Variants in NUDT3 observed in about 807,000 individuals in gnomAD.
NUDT3 encodes the protein diphosphoinositol polyphosphate phosphohydrolase 1.
In NUDT3, 9 loss-of-function variants were observed where a neutral mutation model predicts 23.6. The ratio of observed to expected loss-of-function variants is 0.38; its 90% CI spans 0.23 to 0.66. The LOEUF (loss-of-function observed/expected upper bound fraction) is 0.66. NUDT3 is among the 30% of genes least tolerant of loss of function. The pLI is 0.52. For missense variants in NUDT3, 172 were observed against 218.5 expected, an observed-to-expected ratio of 0.79 and a Z score of 1.34; for synonymous variants, 86 against 82.6, an observed-to-expected ratio of 1.04 and a Z score of -0.22.
intron 2 of NUDT3, among the ~76,000 whole-genome samples, chr6:34,314,193 C>T (rs55858625): frequency 0.016 from 2,423 of 152,004 alleles, 65 homozygotes; most frequent in African/African-American, 0.056. Flanking sequence ...GAGGCCAAGG[C>T]GGGTGGATCA....
chr6:34,388,554 G>A (rs1765146767), intron 1 of NUDT3, among the ~76,000 whole-genome samples: 1 of 151,960 alleles, frequency 6.6e-6, no homozygotes, highest in Non-Finnish European at 1.5e-5. Context: ...AAGTTCTCCT[G>A]GAACTAACAA....
intron 1 of NUDT3, among the ~76,000 whole-genome samples, chr6:34,367,628 A>G (rs1285441683): frequency 2.0e-5 from 3 of 152,346 alleles, no homozygotes; most frequent in East Asian, 1.9e-4. Context: ...TTTTAGTACC[A>G]AAAACACTAG....
chr6:34,345,459 C>G (rs1457131716), intron 1 of NUDT3, among the ~76,000 whole-genome samples: 1 of 151,050 alleles, frequency 6.6e-6, no homozygotes, highest in East Asian at 2.1e-4. Flanking sequence ...GTCAGGAGAT[C>G]GAGACCATCC....
Position 34,288,974 on chromosome 6 carries a change from G to A in NUDT3, c.341-43C>T, listed in dbSNP as rs1561896066. The A allele has an allele frequency of 2.0e-6, 3 of 1,531,942 alleles. No homozygotes were observed. In the South Asian group the frequency reaches 3.8e-5, roughly 19 times the overall value. 94.9% of individuals were successfully genotyped at this position (1,531,942 alleles called of 1,614,324 possible). On this transcript the variant is annotated intron_variant, in intron 4 of 4. Transcript: ENST00000607016. The stretch of plus-strand genomic sequence containing the variant: ...AAAGAAACTAGTACAAGAGTAATAA[G>A]GTTTCTGAGCCTAGAACTTTTGAGA...
At chr6:34,339,593 C>T (rs1382381294) in intron 2 of NUDT3, among the ~76,000 whole-genome samples, 1 of 152,186 alleles carries the variant, frequency 6.6e-6, no homozygotes, top group African/African-American at 2.4e-5. Context: ...GTAGCAAGAG[C>T]TTAAACCAGG....
chr6:34,329,241 G>C, intron 2 of NUDT3, among the ~76,000 whole-genome samples: 1 of 152,142 alleles, frequency 6.6e-6, no homozygotes, highest in Non-Finnish European at 1.5e-5. Flanking sequence ...TATATACATA[G>C]ATATACACAC....
At chr6:34,380,361 T>A (rs1184566820) in intron 1 of NUDT3, among the ~76,000 whole-genome samples, 2 of 152,100 alleles carry the variant, frequency 1.3e-5, no homozygotes, top group Non-Finnish European at 2.9e-5. Flanking sequence ...CCTATTTATT[T>A]TTTTTTTAAG....
chr6:34,293,656 C>A lies in NUDT3; in HGVS notation c.256-121G>T, dbSNP rs576387948. The A allele has an allele frequency of 2.2e-5, 25 of 1,148,424 alleles. No homozygotes were observed. The African/African-American group carries it at 2.6e-4, about 12-fold the overall frequency. The allele number at this position is 1,148,424 out of a possible 1,614,324, so 71.1% of individuals were successfully genotyped here. A position where few individuals can be genotyped will look rare whatever the true frequency, so the allele number is the denominator to read the frequency against. On this transcript the variant is annotated intron_variant, in intron 3 of 4. Coordinates refer to ENST00000607016, the MANE Select transcript of NUDT3 (RefSeq NM_006703.4). ...CAGACACAAAGATTCTAAACTTTTA[C>A]TTTTTATGGTCCTACAGTTATAGCT... is the stretch of plus-strand genomic sequence containing the variant.
chr6:34,329,027 A>G (rs1422366754), intron 2 of NUDT3, among the ~76,000 whole-genome samples: 4 of 152,144 alleles, frequency 2.6e-5, no homozygotes, highest in African/African-American at 9.7e-5. Flanking sequence ...AGAGCCAAAC[A>G]TTAATGAACT....
At position 34,315,687 on chromosome 6, in the gene NUDT3, G is replaced by C. The variant is rs185334732; in HGVS notation, c.211-20002C>G. ...GTTATAGGTTTCTGTGTGACCAAAA[G>C]TATAGATTTAAACTAGATAACCTCT... On this transcript the variant is annotated intron_variant, in intron 2 of 4. Coordinates refer to ENST00000607016, the MANE Select transcript of NUDT3 (RefSeq NM_006703.4). Among the ~76,000 whole-genome samples the C allele has an allele frequency of 8.7e-4, 133 of 152,236 alleles. No individual in the cohort carries two copies. The East Asian group carries it at 0.011, about 12-fold the overall frequency.
intron 2 of NUDT3, among the ~76,000 whole-genome samples, chr6:34,307,269 A>G (rs1410508356): frequency 6.6e-6 from 1 of 152,076 alleles, no homozygotes; most frequent in Non-Finnish European, 1.5e-5. Context: ...ATAAAAAATA[A>G]TAATTCTAAA....
rs1355003412 is a variant in NUDT3 at position 34,316,372 on chromosome 6, T to C, written c.211-20687A>G. ...ATGGAGCCAAATGAAATGAACACTT[T>C]AGTGGCATTAGAGAGTCTCCTAGAA... On this transcript the variant is annotated intron_variant, in intron 2 of 4. Transcript: ENST00000607016. Among the ~76,000 whole-genome samples, 6 of 152,172 alleles carry C rather than the reference T, an allele frequency of 3.9e-5. No homozygotes were observed. The South Asian group carries it at 8.3e-4, about 21-fold the overall frequency.
At chr6:34,343,764 C>A (rs1364628006) in intron 1 of NUDT3, among the ~76,000 whole-genome samples, 2 of 152,094 alleles carry the variant, frequency 1.3e-5, no homozygotes, top group Non-Finnish European at 2.9e-5. Context: ...AAATTAAAAA[C>A]TTCTGTGTAA....
intron 4 of NUDT3, among the ~76,000 whole-genome samples, chr6:34,293,052 CTTG>C (rs531867123): frequency 3.5e-4 from 53 of 152,088 alleles, no homozygotes; most frequent in Non-Finnish European, 7.4e-4. Context: ...TTATCCAGCT[CTTG>C]TTGTTCTGTT....
In NUDT3 at chr6:34,356,168, A is replaced by C. The variant is rs531474050; in HGVS notation, c.100-14196T>G. Among the ~76,000 whole-genome samples the C allele has an allele frequency of 3.1e-3, 475 of 152,306 alleles. 3 individuals carry two copies. The highest frequency in any genetic ancestry group is 0.011 in the African/African-American group (459 of 41,556). On this transcript the variant is annotated intron_variant, in intron 1 of 4. Transcript: ENST00000607016. Reference sequence around the variant, plus strand: ...CCTGGAAAGAAAGGATAAATGCCTGAGGTAATAGGTACCCCATTTACCCTG... The same window carrying C: ...CCTGGAAAGAAAGGATAAATGCCTGCGGTAATAGGTACCCCATTTACCCTG...
In NUDT3 at chr6:34,353,284, T is replaced by C. The variant is rs183578586; in HGVS notation, c.100-11312A>G. 7.1e-4 allele frequency among the ~76,000 whole-genome samples: 108 copies of C among 152,172 alleles called. 1 individual carries two copies. The highest frequency in any genetic ancestry group is 1.5e-3 in the Non-Finnish European group (103 of 68,028). The stretch of plus-strand genomic sequence containing the variant: ...TTCCTTTTTTTAAATAACCACAGGG[T>C]ATGTTTTTAAAACTTATTATTTGTT... On this transcript the variant is annotated intron_variant, in intron 1 of 4. Transcript: ENST00000607016.
intron 2 of NUDT3, among the ~76,000 whole-genome samples, chr6:34,310,802 C>A (rs2113709291): frequency 1.3e-5 from 2 of 152,170 alleles, no homozygotes; most frequent in South Asian, 2.1e-4. Context: ...AATAATTACA[C>A]CTAAAACCAA....
At chr6:34,354,901 G>T in intron 1 of NUDT3, among the ~76,000 whole-genome samples, 1 of 148,786 alleles carries the variant, frequency 6.7e-6, no homozygotes, top group South Asian at 2.1e-4. Context: ...TCACTTATTT[G>T]TTCATTTGTT....
chr6:34,303,749 G>A (rs1763634553), intron 2 of NUDT3, among the ~76,000 whole-genome samples: 1 of 151,802 alleles, frequency 6.6e-6, no homozygotes, highest in Non-Finnish European at 1.5e-5. Context: ...TTTAATTATC[G>A]AGATCAGGGG....
Sources: gnomAD v4.1 joint callset for allele counts (sites outside exome capture counted in the v4.1 genomes callset) on GRCh38, gnomAD v4.1.1 for gene constraint, MANE v1.5 for transcripts, NCBI Gene and HGNC (gene_info 2026-07-23, HGNC 2026-07-21) for gene names.